Variants in MALRD1 observed in about 807,000 individuals in gnomAD.
MALRD1 encodes the protein MAM and LDL receptor class A domain containing 1.
In MALRD1, 247 loss-of-function variants were observed where a neutral mutation model predicts 242.1. The ratio of observed to expected loss-of-function variants is 1.02; its 90% CI spans 0.92 to 1.13. MALRD1 has a LOEUF of 1.13. Among genes scored for constraint, MALRD1 ranks in the 50% most tolerant of loss-of-function variants. The pLI, the probability that MALRD1 is intolerant of heterozygous loss-of-function variation, is 0.00. For synonymous variants in MALRD1, 995 were observed against 866.6 expected (o/e 1.15, Z -2.60); for missense variants, 2,989 against 2,533.1 (o/e 1.18, Z -3.86).
intron 32 of MALRD1, among the ~76,000 whole-genome samples, chr10:19,550,592 G>A (rs1485758833): frequency 2.6e-5 from 4 of 152,004 alleles, no homozygotes; most frequent in Admixed American, 6.6e-5. Flanking sequence ...GAGAACATGC[G>A]GTATTTGGTT....
chr10:19,642,307 T>A lies in MALRD1; in HGVS notation c.6137+26384T>A, dbSNP rs915115950. On this transcript the variant is annotated intron_variant, in intron 36 of 39. Coordinates refer to ENST00000454679, the MANE Select transcript of MALRD1 (RefSeq NM_001142308.3). Reference sequence around the variant, plus strand: ...TCAAGAATTAGCAAATGGGTAATTTTAAAATTTTTCTTTTTTTAATGAGAC... The same window carrying A: ...TCAAGAATTAGCAAATGGGTAATTTAAAAATTTTTCTTTTTTTAATGAGAC... Among the ~76,000 whole-genome samples, 3 of 152,158 alleles carry A rather than the reference T, an allele frequency of 2.0e-5. No individual in the cohort carries two copies. The South Asian group carries it at 6.2e-4, about 32-fold the overall frequency.
At chr10:19,596,823 G>A (rs987100786) in intron 34 of MALRD1, among the ~76,000 whole-genome samples, 6 of 150,778 alleles carry the variant, frequency 4.0e-5, no homozygotes, top group Admixed American at 6.6e-5. Context: ...AGGAAAGGAG[G>A]AAAGGAGGAA....
rs147087182 is a variant in MALRD1 at position 19,095,385 on chromosome 10, C to T, written c.597+7200C>T. On this transcript the variant is annotated intron_variant, in intron 4 of 39. Coordinates refer to ENST00000454679, the MANE Select transcript of MALRD1 (RefSeq NM_001142308.3). The stretch of plus-strand genomic sequence containing the variant: ...ATGGTTAAATGACACCCGTATGGCA[C>T]GACTTCAGAGAAACTCCCATTGGAA... 6.9e-3 allele frequency among the ~76,000 whole-genome samples: 1,051 copies of T among 152,244 alleles called. 11 individuals are homozygous for T. Among genetic ancestry groups the T allele is most frequent in the African/African-American group, 0.024 (1,008 of 41,522 alleles).
At chr10:19,078,646 T>C (rs764294492) in intron 2 of MALRD1, among the ~76,000 whole-genome samples, 1 of 151,898 alleles carries the variant, frequency 6.6e-6, no homozygotes, top group Non-Finnish European at 1.5e-5. Context: ...AAGCCTTTTG[T>C]GCTGGAGCAT....
At chr10:19,583,351 G>A (rs1265913908) in intron 33 of MALRD1, among the ~76,000 whole-genome samples, 1 of 150,634 alleles carries the variant, frequency 6.6e-6, no homozygotes, top group Admixed American at 6.6e-5. Flanking sequence ...TATGATATTG[G>A]CTGTGGGTTT....
intron 2 of MALRD1, among the ~76,000 whole-genome samples, chr10:19,080,205 A>G (rs990291891): frequency 3.9e-5 from 6 of 152,068 alleles, no homozygotes; most frequent in Non-Finnish European, 7.4e-5. Context: ...AAAGTAATTT[A>G]TAGATTTAAT....
intron 19 of MALRD1, among the ~76,000 whole-genome samples, chr10:19,270,334 T>A (rs201707569): frequency 0.011 from 854 of 75,664 alleles, 7 homozygotes; most frequent in African/African-American, 0.034. Flanking sequence ...TCTCTCTCTC[T>A]CTCACACACA....
At chr10:19,720,693 T>C (rs187621615) in intron 38 of MALRD1, among the ~76,000 whole-genome samples, 226 of 152,288 alleles carry the variant, frequency 1.5e-3, no homozygotes, top group Non-Finnish European at 2.3e-3. Flanking sequence ...TTTTATGTTC[T>C]TTTACTGTGC....
chr10:19,590,050 C>A (rs1002574012), intron 33 of MALRD1, among the ~76,000 whole-genome samples: 1 of 152,156 alleles, frequency 6.6e-6, no homozygotes, highest in African/African-American at 2.4e-5. Flanking sequence ...CCTGACCAAG[C>A]AGCTCACTGG....
chr10:19,097,282 C>G (rs984619353), intron 4 of MALRD1, among the ~76,000 whole-genome samples: 1 of 152,070 alleles, frequency 6.6e-6, no homozygotes, highest in African/African-American at 2.4e-5. Flanking sequence ...TACTGAGTCA[C>G]TGAGCCATAA....
intron 21 of MALRD1, among the ~76,000 whole-genome samples, chr10:19,317,381 C>A (rs891254153): frequency 2.0e-5 from 3 of 151,876 alleles, no homozygotes; most frequent in Non-Finnish European, 4.4e-5. Context: ...CCAGTGGCCC[C>A]ACTCCTTAAT....
At chr10:19,444,285 A>T (rs1834836782) in intron 28 of MALRD1, among the ~76,000 whole-genome samples, 1 of 152,162 alleles carries the variant, frequency 6.6e-6, no homozygotes, top group Non-Finnish European at 1.5e-5. Context: ...GTGTCTTTTA[A>T]TTGGAACATT....
intron 32 of MALRD1, among the ~76,000 whole-genome samples, chr10:19,566,654 T>A (rs1312010008): frequency 1.3e-5 from 2 of 151,020 alleles, no homozygotes; most frequent in Non-Finnish European, 3.0e-5. Flanking sequence ...AAGCCAAATA[T>A]AAATATATAG....
intron 1 of MALRD1, among the ~76,000 whole-genome samples, chr10:19,056,600 T>G (rs924444758): frequency 6.6e-6 from 1 of 152,156 alleles, no homozygotes; most frequent in Non-Finnish European, 1.5e-5. Flanking sequence ...TCTTTTGGGT[T>G]TCTACATATA....
intron 2 of MALRD1, among the ~76,000 whole-genome samples, chr10:19,070,589 C>A (rs937409752): frequency 6.6e-6 from 1 of 151,934 alleles, no homozygotes; most frequent in Non-Finnish European, 1.5e-5. Context: ...AGAATATTTT[C>A]CCTTACTTCA....
Position 19,229,247 on chromosome 10 carries a change from A to T in MALRD1, c.2991+19567A>T, listed in dbSNP as rs554363901. Among the ~76,000 whole-genome samples, 35 of 152,334 alleles carry T rather than the reference A, an allele frequency of 2.3e-4. No individual in the cohort carries two copies. In the East Asian group the frequency reaches 5.8e-3, roughly 25 times the overall value. On this transcript the variant is annotated intron_variant, in intron 18 of 39. Transcript: ENST00000454679. Reference sequence around the variant, plus strand: ...TTAGGTAAAAAATAAGTAAACTAGTATAACGAAGTTAAATATTTCTAGAGG... The same window carrying T: ...TTAGGTAAAAAATAAGTAAACTAGTTTAACGAAGTTAAATATTTCTAGAGG...
chr10:19,145,861 A>G (rs1401499219), intron 10 of MALRD1, among the ~76,000 whole-genome samples: 1 of 152,016 alleles, frequency 6.6e-6, no homozygotes, highest in East Asian at 1.9e-4. Context: ...TTTCATTTAA[A>G]CTACCATCTC....
intron 36 of MALRD1, among the ~76,000 whole-genome samples, chr10:19,676,637 C>A (rs892050610): frequency 2.0e-5 from 3 of 152,120 alleles, no homozygotes; most frequent in African/African-American, 7.2e-5. Context: ...ATAATGTCTT[C>A]TAAACTGGAA....
intron 5 of MALRD1, among the ~76,000 whole-genome samples, chr10:19,120,136 G>C (rs553186871): frequency 1.3e-5 from 2 of 152,194 alleles, no homozygotes; most frequent in South Asian, 4.1e-4. Flanking sequence ...AAGGTTGTGG[G>C]TGTGTAGAGA....
Sources: allele counts gnomAD v4.1 joint callset (sites outside exome capture counted in the v4.1 genomes callset), GRCh38; gene constraint gnomAD v4.1.1; transcripts MANE v1.5; gene names NCBI Gene and HGNC (gene_info 2026-07-23, HGNC 2026-07-21).